Variants in EVC2 observed in about 807,000 individuals in gnomAD.
The protein encoded by EVC2 is limbin.
Under a neutral mutation model 149.3 loss-of-function variants are expected in EVC2, and 148 were observed. The observed-to-expected ratio is 0.99, with a 90% CI of 0.87 to 1.14. The LOEUF (loss-of-function observed/expected upper bound fraction) is 1.14. EVC2 is among the 50% of genes most tolerant of loss of function. The probability of loss-of-function intolerance (pLI) is 0.00; values close to 1 mark genes in which losing one functional copy is unlikely to be tolerated. For synonymous variants in EVC2, 776 were observed against 649.9 expected (o/e 1.19, Z -2.95); for missense variants, 1,854 against 1,627.3 (o/e 1.14, Z -2.40).
intron 19 of EVC2, 122 bp downstream of exon 19, chr4:5,574,563 C>G (rs2108776848): frequency 2.0e-6 from 2 of 981,354 alleles, no homozygotes; most frequent in African/African-American, 1.6e-5. Flanking sequence ...CACATCTGCT[C>G]TGCAGGTTCC....
At position 5,625,803 on chromosome 4, in the gene EVC2, C is replaced by CT. The variant is rs2108843224; in HGVS notation, c.1991dup (p.Lys665GlufsTer10). 1 of 1,614,082 alleles carries CT rather than the reference C, an allele frequency of 6.2e-7. No homozygotes were observed. The highest frequency in any genetic ancestry group is 2.2e-5 in the East Asian group (1 of 44,870). On this transcript the variant is annotated frameshift_variant, in exon 13 of 22. Coordinates refer to ENST00000344408, the MANE Select transcript of EVC2 (RefSeq NM_147127.5). LOFTEE classifies it high-confidence loss of function. This position sits in a 1 kb window ranked among gnomAD's most constrained non-coding sequence, Gnocchi z 4.0. ...TTATTAATTTTTGGTGGAGCTTTTT[C>CT]TTTTCCTGCTTTAAGTCATTGTCCA...
intron 14 of EVC2, among the ~76,000 whole-genome samples, chr4:5,619,169 T>C (rs1715499102): frequency 6.6e-6 from 1 of 152,190 alleles, no homozygotes; most frequent in Admixed American, 6.5e-5. Context: ...ATCGATTCCA[T>C]GCTGGGAACC....
chr4:5,531,559 C>T, the EVC2 span, among the ~76,000 whole-genome samples: 1 of 152,134 alleles, frequency 6.6e-6, no homozygotes, highest in East Asian at 1.9e-4. Context: ...TGAGCTCTGC[C>T]TGCTGTCAGA....
Position 5,592,488 on chromosome 4 carries a change from T to C in EVC2, c.2830-7638A>G, listed in dbSNP as rs115740962. On this transcript the variant is annotated intron_variant, in intron 16 of 21. Coordinates refer to ENST00000344408, the MANE Select transcript of EVC2 (RefSeq NM_147127.5). The stretch of plus-strand genomic sequence containing the variant: ...AGAGAGCCCCGCCAAATACCAGGAA[T>C]GTCAGGTGGCCATCAGGTGATGGTC... 7.5e-3 allele frequency among the ~76,000 whole-genome samples: 1,147 copies of C among 152,264 alleles called. 5 individuals are homozygous for C. The highest frequency in any genetic ancestry group is 0.023 in the South Asian group (111 of 4,814).
chr4:5,694,762 A>T lies in EVC2; in HGVS notation c.284-261T>A, dbSNP rs185464541. Among the ~76,000 whole-genome samples, 688 of 152,310 alleles carry T rather than the reference A, an allele frequency of 4.5e-3. 8 individuals carry two copies. The highest frequency in any genetic ancestry group is 7.8e-3 in the Non-Finnish European group (534 of 68,034). ...GGTTGTGCAGCCCCACCTAGGAATCAGAACTGCTGGGCAAGAATGATGCCT... is the reference window on the plus strand; with the variant it reads ...GGTTGTGCAGCCCCACCTAGGAATCTGAACTGCTGGGCAAGAATGATGCCT... On this transcript the variant is annotated intron_variant, in intron 2 of 21. Transcript: ENST00000344408.
chr4:5,702,062 G>A (rs1475839670), intron 1 of EVC2, among the ~76,000 whole-genome samples: 2 of 152,256 alleles, frequency 1.3e-5, no homozygotes, highest in East Asian at 1.9e-4. Context: ...AAGGAAACAT[G>A]AGAGTGGGTC....
At chr4:5,559,651 G>C (rs553114797), downstream of EVC2, among the ~76,000 whole-genome samples, 14 of 152,114 alleles carry the variant, frequency 9.2e-5, no homozygotes, top group Non-Finnish European at 2.1e-4. This position sits in a 1 kb window ranked among gnomAD's most constrained non-coding sequence, Gnocchi z 5.0. Flanking sequence ...GCACTGACGG[G>C]GTTATGTTAA....
intron 7 of EVC2, among the ~76,000 whole-genome samples, chr4:5,667,620 G>T (rs572016277): frequency 2.0e-5 from 3 of 152,190 alleles, no homozygotes; most frequent in African/African-American, 7.2e-5. Context: ...GAAAAGGGAA[G>T]AATGGAGTAA....
chr4:5,652,879 C>T (rs1328906004), intron 9 of EVC2, among the ~76,000 whole-genome samples: 3 of 152,164 alleles, frequency 2.0e-5, no homozygotes, highest in African/African-American at 7.2e-5. Flanking sequence ...TCCTAGGGTA[C>T]TTTCCTATGT....
In EVC2 at chr4:5,562,830, G is replaced by A. The variant is rs202102149; in HGVS notation, c.*18C>T. The stretch of plus-strand genomic sequence containing the variant: ...ATCCCTTCTCTCTTCAGATGCTCCC[G>A]CAGGTCTTTCCCTTGGGCTAGTCCA... On this transcript the variant is annotated 3_prime_UTR_variant, in exon 22 of 22. Transcript: ENST00000344408. The surrounding 1 kb of genome is among the most constrained non-coding windows in gnomAD (Gnocchi z 4.3). 72 of 1,613,062 alleles carry A rather than the reference G, an allele frequency of 4.5e-5. 1 individual carries two copies. Among genetic ancestry groups the A allele is most frequent in the South Asian group, 3.0e-4 (27 of 91,042 alleles).
intron 9 of EVC2, among the ~76,000 whole-genome samples, chr4:5,651,837 G>T (rs897935491): frequency 2.6e-5 from 4 of 152,222 alleles, no homozygotes; most frequent in African/African-American, 9.6e-5. Context: ...GAAGTAGAAA[G>T]GCCTTCTTCA....
At chr4:5,623,139 G>C in intron 13 of EVC2, 148 bp from the exon 14 acceptor site, 2 of 863,628 alleles carry the variant, frequency 2.3e-6, no homozygotes, top group Non-Finnish European at 3.5e-6. Flanking sequence ...TTTTTTGTTT[G>C]CTTGTTTGTT....
chr4:5,574,630 G>C, intron 19 of EVC2, 55 bp downstream of exon 19: 2 of 1,543,990 alleles, frequency 1.3e-6, no homozygotes, highest in African/African-American at 2.7e-5. Context: ...CTGAGAAAAA[G>C]ATGAAGTGAC....
the EVC2 span, among the ~76,000 whole-genome samples, chr4:5,533,164 G>T: frequency 6.6e-6 from 1 of 152,032 alleles, no homozygotes; most frequent in Admixed American, 6.6e-5. Context: ...GAGTGCTAAG[G>T]GGAGAAATCA....
At chr4:5,612,840 T>G (rs1714944258) in intron 16 of EVC2, among the ~76,000 whole-genome samples, 1 of 136,356 alleles carries the variant, frequency 7.3e-6, no homozygotes, top group Non-Finnish European at 1.5e-5. Flanking sequence ...GAGAATGGCG[T>G]GAACCCGGGA....
intron 1 of EVC2, among the ~76,000 whole-genome samples, chr4:5,701,721 A>G (rs540490339): frequency 1.3e-5 from 2 of 152,338 alleles, no homozygotes; most frequent in East Asian, 1.9e-4. Context: ...CCTAAGAGAC[A>G]TGTCGAACTC....
chr4:5,677,512 C>A lies in EVC2; in HGVS notation c.870+3748G>T, dbSNP rs1022071962. Among the ~76,000 whole-genome samples, 11 of 152,216 alleles carry A rather than the reference C, an allele frequency of 7.2e-5. No homozygotes were observed. Among genetic ancestry groups the A allele is most frequent in the Admixed American group, 5.9e-4 (9 of 15,282 alleles). On this transcript the variant is annotated intron_variant, in intron 7 of 21. Coordinates refer to ENST00000344408, the MANE Select transcript of EVC2 (RefSeq NM_147127.5). This position sits in a 1 kb window ranked among gnomAD's most constrained non-coding sequence, Gnocchi z 4.3. ...ATCCACAGGTCTGCATCCCAGGGGG[C>A]AACTATTCCTCTTTCTCCTGAAGGC...
intron 6 of EVC2, among the ~76,000 whole-genome samples, chr4:5,684,076 C>A (rs1159438407): frequency 6.6e-6 from 1 of 152,142 alleles, no homozygotes; most frequent in African/African-American, 2.4e-5. Context: ...CATTACTTTA[C>A]CTTATCTTGC....
At chr4:5,692,860 C>T (rs1416312700) in intron 3 of EVC2, among the ~76,000 whole-genome samples, 5 of 107,774 alleles carry the variant, frequency 4.6e-5, no homozygotes, top group Admixed American at 1.4e-4. Flanking sequence ...GGCGACAGAG[C>T]GAGACTCCGT....
Sources: gnomAD v4.1 joint callset for allele counts (sites outside exome capture counted in the v4.1 genomes callset) on GRCh38, gnomAD v4.1.1 for gene constraint, Gnocchi (gnomAD v3.1) non-coding constraint, MANE v1.5 for transcripts, NCBI Gene and HGNC (gene_info 2026-07-23, HGNC 2026-07-21) for gene names.